TMEFF2: variants seen among roughly 807,000 people sequenced by gnomAD.
TMEFF2 encodes the protein transmembrane protein with EGF like and two follistatin like domains 2.
In TMEFF2, 28 loss-of-function variants were observed where a neutral mutation model predicts 53.8. The ratio of observed to expected loss-of-function variants is 0.52; its 90% CI spans 0.39 to 0.71. The LOEUF (loss-of-function observed/expected upper bound fraction) is 0.71. Ranked by LOEUF, TMEFF2 falls within the 30% of genes least tolerant of loss-of-function variation. The pLI, the probability that TMEFF2 is intolerant of heterozygous loss-of-function variation, is 0.00. For synonymous variants in TMEFF2, 162 were observed against 166.3 expected (o/e 0.97, Z 0.20); for missense variants, 353 against 455.2 (o/e 0.78, Z 2.04).
intron 5 of TMEFF2, among the ~76,000 whole-genome samples, chr2:192,041,093 A>C (rs1311455472): frequency 6.6e-6 from 1 of 152,138 alleles, no homozygotes. Flanking sequence ...CAACAAACAC[A>C]AGCAACAACA....
chr2:192,008,022 G>A, intron 5 of TMEFF2, among the ~76,000 whole-genome samples: 1 of 152,164 alleles, frequency 6.6e-6, no homozygotes, highest in East Asian at 1.9e-4. Context: ...AGGGAGGGAG[G>A]CAGCTGTGTG....
At chr2:191,999,274 A>G (rs1337794179) in intron 5 of TMEFF2, 66 bp from the exon 6 acceptor site, 8 of 1,353,140 alleles carry the variant, frequency 5.9e-6, no homozygotes, top group Non-Finnish European at 7.9e-6. Context: ...TAAATAAAAC[A>G]CAAATGAAAG....
At chr2:192,121,842 T>C (rs1689561354) in intron 4 of TMEFF2, among the ~76,000 whole-genome samples, 1 of 152,122 alleles carries the variant, frequency 6.6e-6, no homozygotes, top group Admixed American at 6.6e-5. Flanking sequence ...TAGGAGAGAA[T>C]TGCTGAGAGA....
chr2:192,193,266 C>T (rs949439107), intron 1 of TMEFF2, among the ~76,000 whole-genome samples: 1 of 152,158 alleles, frequency 6.6e-6, no homozygotes, highest in Non-Finnish European at 1.5e-5. Flanking sequence ...ACAGACCACA[C>T]CTAGGGGACA....
chr2:192,047,219 C>G (rs556028552), intron 5 of TMEFF2, among the ~76,000 whole-genome samples: 2 of 152,114 alleles, frequency 1.3e-5, no homozygotes, highest in Non-Finnish European at 2.9e-5. Flanking sequence ...CTGTGCCCGG[C>G]CTGCAGATAC....
At position 192,012,038 on chromosome 2, in the gene TMEFF2, G is replaced by C. The variant is rs991964609; in HGVS notation, c.537-12830C>G. 3.3e-5 allele frequency among the ~76,000 whole-genome samples: 5 copies of C among 151,882 alleles called. No homozygotes were observed. The South Asian group carries it at 1.0e-3, about 32-fold the overall frequency. ...AGTAGCTGGGACTATAGGCGCCCACGACCTCGCCCGGCCCACCACCAGGCC... is the reference window on the plus strand; with the variant it reads ...AGTAGCTGGGACTATAGGCGCCCACCACCTCGCCCGGCCCACCACCAGGCC... On this transcript the variant is annotated intron_variant, in intron 5 of 9. Coordinates refer to ENST00000272771, the MANE Select transcript of TMEFF2 (RefSeq NM_016192.4).
intron 5 of TMEFF2, among the ~76,000 whole-genome samples, chr2:192,003,825 T>C (rs1222165915): frequency 2.0e-5 from 3 of 151,942 alleles, no homozygotes; most frequent in Admixed American, 1.3e-4. Context: ...TTTTTCCAGG[T>C]GTCTGCTTCA....
intron 9 of TMEFF2, among the ~76,000 whole-genome samples, chr2:191,952,451 AGT>A (rs1381798179): frequency 6.6e-6 from 1 of 152,174 alleles, no homozygotes; most frequent in Non-Finnish European, 1.5e-5. Context: ...AATATGGCAT[AGT>A]TTCCTATGTT....
In TMEFF2 at chr2:191,950,116, ACAT is replaced by A; in HGVS notation, c.*192_*194del. 1.5e-6 allele frequency: 2 copies of A among 1,326,776 alleles called. No homozygotes were observed. The highest frequency in any genetic ancestry group is 9.6e-7 in the Non-Finnish European group (1 of 1,037,716). 82.2% of individuals were successfully genotyped at this position (1,326,776 alleles called of 1,614,324 possible). A position where few individuals can be genotyped will look rare whatever the true frequency, so the allele number is the denominator to read the frequency against. On this transcript the variant is annotated 3_prime_UTR_variant, in exon 10 of 10. Transcript: ENST00000272771. Reference sequence around the variant, plus strand: ...ATAGTTTATTTACATTACAGAAAAAACATCAAGACAATGTATACTATTTCAAAT... The same window carrying A: ...ATAGTTTATTTACATTACAGAAAAAACAAGACAATGTATACTATTTCAAAT...
At chr2:192,089,116 A>C (rs1688731953) in intron 4 of TMEFF2, among the ~76,000 whole-genome samples, 1 of 151,918 alleles carries the variant, frequency 6.6e-6, no homozygotes, top group African/African-American at 2.4e-5. Context: ...GAATTGCTCC[A>C]ATTCAGCTAA....
chr2:191,981,944 C>T (rs1685863083), intron 7 of TMEFF2, among the ~76,000 whole-genome samples: 1 of 152,126 alleles, frequency 6.6e-6, no homozygotes, highest in Admixed American at 6.6e-5. Context: ...TACCAGCAAG[C>T]CTAAGAACCA....
At chr2:192,183,338 C>T (rs1691231969) in intron 3 of TMEFF2, among the ~76,000 whole-genome samples, 1 of 151,878 alleles carries the variant, frequency 6.6e-6, no homozygotes, top group Admixed American at 6.6e-5. Flanking sequence ...TGCTCATTTT[C>T]CACCCTGCCC....
chr2:191,971,260 A>G (rs951582716), intron 7 of TMEFF2, among the ~76,000 whole-genome samples: 1 of 152,204 alleles, frequency 6.6e-6, no homozygotes, highest in African/African-American at 2.4e-5. Flanking sequence ...AACACCCTCC[A>G]GGTATATAAT....
chr2:192,052,535 A>G (rs972401293), intron 5 of TMEFF2, among the ~76,000 whole-genome samples: 1 of 152,218 alleles, frequency 6.6e-6, no homozygotes, highest in Non-Finnish European at 1.5e-5. Flanking sequence ...GTGAAATCAG[A>G]AATATTTGCT....
intron 5 of TMEFF2, among the ~76,000 whole-genome samples, chr2:192,029,890 C>G (rs1319374701): frequency 6.6e-6 from 1 of 152,116 alleles, no homozygotes; most frequent in Admixed American, 6.5e-5. Context: ...CCCTTTAATC[C>G]TTGGCTTAAT....
intron 7 of TMEFF2, among the ~76,000 whole-genome samples, chr2:191,987,759 A>G (rs1686014305): frequency 6.6e-6 from 1 of 152,172 alleles, no homozygotes; most frequent in Non-Finnish European, 1.5e-5. Flanking sequence ...GCAAAATGCT[A>G]TTTGTAAGTC....
Position 192,153,514 on chromosome 2 carries a change from C to A in TMEFF2, c.439+26154G>T, listed in dbSNP as rs1299907640. 2.0e-5 allele frequency among the ~76,000 whole-genome samples: 3 copies of A among 151,586 alleles called. No homozygotes were observed. The East Asian group carries it at 5.8e-4, about 29-fold the overall frequency. ...ATCAGGTACCAGGGTCAACTTTACC[C>A]TGTTTGTGATAGAGCAACAACTATT... On this transcript the variant is annotated intron_variant, in intron 4 of 9. Coordinates refer to ENST00000272771, the MANE Select transcript of TMEFF2 (RefSeq NM_016192.4).
chr2:192,134,421 C>T (rs943100361), intron 4 of TMEFF2, among the ~76,000 whole-genome samples: 18 of 152,170 alleles, frequency 1.2e-4, no homozygotes, highest in Non-Finnish European at 1.8e-4. Context: ...CAGGCCTAAT[C>T]GCCACACACC....
At chr2:192,105,464 G>A (rs1689125039) in intron 4 of TMEFF2, among the ~76,000 whole-genome samples, 1 of 151,824 alleles carries the variant, frequency 6.6e-6, no homozygotes, top group South Asian at 2.1e-4. Context: ...ATGCATTATT[G>A]CATCTATCCC....
Sources: allele counts gnomAD v4.1 joint callset (sites outside exome capture counted in the v4.1 genomes callset), GRCh38; gene constraint gnomAD v4.1.1; transcripts MANE v1.5; gene names NCBI Gene and HGNC (gene_info 2026-07-23, HGNC 2026-07-21).